BRINP1: variants seen among roughly 807,000 people sequenced by gnomAD.
BRINP1 encodes BMP/retinoic acid-inducible neural-specific protein 1.
In BRINP1, 17 loss-of-function variants were observed where a neutral mutation model predicts 72.9. The observed-to-expected ratio is 0.23, with a 90% CI of 0.16 to 0.35. The LOEUF (loss-of-function observed/expected upper bound fraction) is 0.35, where lower values mean the gene tolerates loss of function less well. Ranked by LOEUF, BRINP1 falls within the 10% of genes least tolerant of loss-of-function variation. BRINP1 has a pLI of 1.00. For missense variants in BRINP1, 850 were observed against 1,001.6 expected (o/e 0.85, Z 2.04); for synonymous variants, 418 against 378.5 (o/e 1.10, Z -1.21).
intron 1 of BRINP1, among the ~76,000 whole-genome samples, chr9:119,333,193 G>A (rs1831316717): frequency 6.6e-6 from 1 of 151,866 alleles, no homozygotes. Context: ...GGCTGTGGTG[G>A]CTCATGCCTG....
In BRINP1 at chr9:119,266,779, C is replaced by A. The variant is rs974941672; in HGVS notation, c.219-17629G>T. 3.9e-5 allele frequency among the ~76,000 whole-genome samples: 6 copies of A among 152,188 alleles called. No individual in the cohort carries two copies. In the South Asian group the frequency reaches 1.0e-3, roughly 26 times the overall value. ...GTCTTTCTGTGCCTGGCTTATTTCA[C>A]TTAGCATAATGTTCTCCGGTTCCAT... On this transcript the variant is annotated intron_variant, in intron 2 of 7. Transcript: ENST00000265922.
At chr9:119,327,362 T>G (rs1831250701) in intron 1 of BRINP1, among the ~76,000 whole-genome samples, 1 of 152,172 alleles carries the variant, frequency 6.6e-6, no homozygotes, top group Admixed American at 6.5e-5. Context: ...AGGACCAAGA[T>G]TCCTGTTTCC....
intron 7 of BRINP1, among the ~76,000 whole-genome samples, chr9:119,194,766 C>T (rs938197841): frequency 2.0e-5 from 3 of 152,174 alleles, no homozygotes; most frequent in Non-Finnish European, 4.4e-5. Flanking sequence ...GGAGCTTGGA[C>T]TTGGATTCTT....
At chr9:119,186,595 C>A (rs927015554) in intron 7 of BRINP1, among the ~76,000 whole-genome samples, 13 of 152,082 alleles carry the variant, frequency 8.5e-5, no homozygotes, top group African/African-American at 3.1e-4. Context: ...AGCCACAACC[C>A]TGGTGCTTGA....
chr9:119,315,524 C>G (rs183528649), intron 1 of BRINP1, among the ~76,000 whole-genome samples: 5 of 152,144 alleles, frequency 3.3e-5, no homozygotes, highest in East Asian at 1.9e-4. Flanking sequence ...GCCTACTCCC[C>G]GAGAAATAAT....
chr9:119,195,918 A>G (rs1375951916), intron 7 of BRINP1, among the ~76,000 whole-genome samples: 2 of 152,228 alleles, frequency 1.3e-5, no homozygotes, highest in Admixed American at 6.5e-5. Flanking sequence ...GAGGAGCCCA[A>G]TCTCTTGAAA....
intron 2 of BRINP1, among the ~76,000 whole-genome samples, chr9:119,307,427 G>A (rs1831009675): frequency 6.6e-6 from 1 of 152,132 alleles, no homozygotes; most frequent in African/African-American, 2.4e-5. Flanking sequence ...ATTGAGGTTT[G>A]TATATCTATA....
At chr9:119,304,216 A>G (rs1052467135) in intron 2 of BRINP1, among the ~76,000 whole-genome samples, 1 of 152,072 alleles carries the variant, frequency 6.6e-6, no homozygotes, top group African/African-American at 2.4e-5. Context: ...TTAAATCTTC[A>G]CTATAATCTT....
intron 5 of BRINP1, among the ~76,000 whole-genome samples, chr9:119,232,367 C>T (rs1830156753): frequency 6.6e-6 from 1 of 152,000 alleles, no homozygotes; most frequent in African/African-American, 2.4e-5. Context: ...GTCTTTCTTA[C>T]TTAATAGCTG....
At chr9:119,366,897 T>C (rs1284749522) in intron 1 of BRINP1, among the ~76,000 whole-genome samples, 1 of 151,996 alleles carries the variant, frequency 6.6e-6, no homozygotes, top group Admixed American at 6.5e-5. Flanking sequence ...TGCTCTTTAA[T>C]ATTCCTTCCA....
chr9:119,191,047 T>C (rs1039833846), intron 7 of BRINP1, among the ~76,000 whole-genome samples: 12 of 152,002 alleles, frequency 7.9e-5, no homozygotes, highest in Middle Eastern at 6.3e-3. Context: ...TAAGATCACC[T>C]CAATTGATAC....
At chr9:119,173,168 A>G (rs1283776652) in intron 7 of BRINP1, among the ~76,000 whole-genome samples, 3 of 149,572 alleles carry the variant, frequency 2.0e-5, no homozygotes, top group Non-Finnish European at 3.0e-5. Flanking sequence ...AGGGTATTCA[A>G]TTAGGAAAAG....
rs1829450006 is a variant in BRINP1, at chr9:119,173,946, T to G, written c.1146-5722A>C. Among the ~76,000 whole-genome samples, 3 of 126,828 alleles carry G rather than the reference T, an allele frequency of 2.4e-5. 1 individual carries two copies. Among genetic ancestry groups the G allele is most frequent in the African/African-American group, 9.1e-5 (2 of 22,022 alleles). 83.2% of individuals were successfully genotyped at this position (126,828 alleles called of 152,430 possible). On this transcript the variant is annotated intron_variant, in intron 7 of 7. Transcript: ENST00000265922. ...AACTGGCTAGCCATATGTAGAAAGC[T>G]GAAACTGGATCCCTTCCTTACACCT...
chr9:119,349,780 G>A (rs1049925211), intron 1 of BRINP1, among the ~76,000 whole-genome samples: 34 of 152,168 alleles, frequency 2.2e-4, no homozygotes, highest in African/African-American at 8.2e-4. Flanking sequence ...CTGTGGAGGG[G>A]AAGTGCAGAG....
At chr9:119,284,039 T>G (rs186082309) in intron 2 of BRINP1, among the ~76,000 whole-genome samples, 3 of 152,264 alleles carry the variant, frequency 2.0e-5, no homozygotes, top group African/African-American at 7.2e-5. Flanking sequence ...AAATCTATAG[T>G]TTTAATGAGA....
At chr9:119,327,826 C>T (rs747435347) in intron 1 of BRINP1, among the ~76,000 whole-genome samples, 1 of 151,938 alleles carries the variant, frequency 6.6e-6, no homozygotes, top group Non-Finnish European at 1.5e-5. Context: ...TAAATGATGA[C>T]AAGTTCCCTC....
chr9:119,218,065 T>C (rs553883956), intron 5 of BRINP1, among the ~76,000 whole-genome samples: 1 of 152,198 alleles, frequency 6.6e-6, no homozygotes, highest in South Asian at 2.1e-4. Flanking sequence ...GTTTTATTTC[T>C]AATAGTTTTT....
intron 5 of BRINP1, among the ~76,000 whole-genome samples, chr9:119,230,665 A>G (rs1038222752): frequency 2.0e-5 from 3 of 152,016 alleles, no homozygotes; most frequent in Admixed American, 6.6e-5. Context: ...GGTTTCAAGC[A>G]GAGATAGAAA....
intron 4 of BRINP1, among the ~76,000 whole-genome samples, chr9:119,241,778 AGACT>A (rs1267750296): frequency 6.6e-6 from 1 of 152,204 alleles, no homozygotes; most frequent in East Asian, 1.9e-4. Flanking sequence ...TCCATACAGA[AGACT>A]GAATGAGAGA....
Sources: allele counts gnomAD v4.1 joint callset (sites outside exome capture counted in the v4.1 genomes callset), GRCh38; gene constraint gnomAD v4.1.1; transcripts MANE v1.5; gene names NCBI Gene and HGNC (gene_info 2026-07-23, HGNC 2026-07-21).